Variants in CYP4X1 observed in about 807,000 individuals in gnomAD.
CYP4X1 encodes cytochrome P450 family 4 subfamily X member 1, also known as cytochrome P450 4X1.
Under a neutral mutation model 57.9 loss-of-function variants are expected in CYP4X1, and 44 were observed. The observed-to-expected ratio is 0.76, with a 90% CI of 0.60 to 0.98. The LOEUF is 0.98. Ranked by LOEUF, CYP4X1 falls within the 50% of genes least tolerant of loss-of-function variation. CYP4X1 has a pLI of 0.00. For synonymous variants in CYP4X1, 227 were observed against 228.6 expected, an observed-to-expected ratio of 0.99 and a Z score of 0.06; for missense variants, 532 against 623.9, an observed-to-expected ratio of 0.85 and a Z score of 1.57.
intron 8 of CYP4X1, among the ~76,000 whole-genome samples, chr1:47,042,393 TAATG>T (rs964231086): frequency 5.3e-5 from 8 of 152,098 alleles, no homozygotes; most frequent in Admixed American, 2.6e-4. Flanking sequence ...TGCTTCCAAT[TAATG>T]AACACAGGGT....
chr1:46,979,839 A>C, the CYP4X1 span, among the ~76,000 whole-genome samples: 1 of 152,216 alleles, frequency 6.6e-6, no homozygotes, highest in Non-Finnish European at 1.5e-5. Context: ...AAATCAATAA[A>C]CTTAATCCAT....
the CYP4X1 span, among the ~76,000 whole-genome samples, chr1:46,987,777 A>G: frequency 2.6e-5 from 4 of 152,330 alleles, no homozygotes; most frequent in Non-Finnish European, 5.9e-5. Context: ...ACTGCTCCTG[A>G]ATGACTACTG....
At chr1:46,996,326 CAT>C in the CYP4X1 span, among the ~76,000 whole-genome samples, 1 of 152,192 alleles carries the variant, frequency 6.6e-6, no homozygotes, top group Non-Finnish European at 1.5e-5. Flanking sequence ...TTAGGTTGAG[CAT>C]CCAGGCCAGG....
Position 47,050,293 on chromosome 1 carries a change from G to T in CYP4X1, c.*119G>T. 6 of 1,145,590 alleles carry T rather than the reference G, an allele frequency of 5.2e-6. No individual in the cohort carries two copies. Among genetic ancestry groups the T allele is most frequent in the Non-Finnish European group, 7.5e-6 (6 of 799,460 alleles). 71.0% of individuals were successfully genotyped at this position (1,145,590 alleles called of 1,614,324 possible). A position where few individuals can be genotyped will look rare whatever the true frequency, so the allele number is the denominator to read the frequency against. On this transcript the variant is annotated 3_prime_UTR_variant, in exon 12 of 12. Transcript: ENST00000371901. ...GGAGGATTGGAGGTTGGTGGGATAG[G>T]GGTCTCTGTGAAGAGATCCAAAATC...
the CYP4X1 span, among the ~76,000 whole-genome samples, chr1:46,964,947 C>T: frequency 4.8e-3 from 725 of 152,272 alleles, 8 homozygotes; most frequent in African/African-American, 0.016. Flanking sequence ...GGTGGGCGCT[C>T]CTCCCCTAGC....
chr1:47,009,030 A>G, the CYP4X1 span, among the ~76,000 whole-genome samples: 17 of 152,226 alleles, frequency 1.1e-4, no homozygotes, highest in Non-Finnish European at 1.5e-5. Context: ...GTTAACAAGG[A>G]TATCCAGGAA....
intron 10 of CYP4X1, 22 bp from the exon 11 acceptor site, chr1:47,049,400 T>G (rs748453551): frequency 6.2e-7 from 1 of 1,603,200 alleles, no homozygotes. Flanking sequence ...GGGATGGTGT[T>G]GGGGTTGTCC....
At chr1:47,018,826 T>C (rs958588485), upstream of CYP4X1, among the ~76,000 whole-genome samples, 2 of 152,160 alleles carry the variant, frequency 1.3e-5, no homozygotes, top group Admixed American at 1.3e-4. Context: ...CTTGGAGACT[T>C]GTAGCCAGAA....
At chr1:47,049,925 T>C (rs1172286027) in intron 11 of CYP4X1, 75 bp from the exon 12 acceptor site, 3 of 1,424,628 alleles carry the variant, frequency 2.1e-6, no homozygotes, top group African/African-American at 1.4e-5. Context: ...TTCAGACTTA[T>C]TGTACTAGTA....
chr1:47,028,971 G>C (rs1050530700), intron 1 of CYP4X1, among the ~76,000 whole-genome samples: 5 of 152,200 alleles, frequency 3.3e-5, no homozygotes, highest in African/African-American at 4.8e-5. Flanking sequence ...TAGGTTTCAA[G>C]ACTCTCAACC....
intron 1 of CYP4X1, among the ~76,000 whole-genome samples, chr1:47,026,220 A>G (rs1644062818): frequency 6.6e-6 from 1 of 152,208 alleles, no homozygotes; most frequent in Non-Finnish European, 1.5e-5. Flanking sequence ...ACACTTTTAA[A>G]TAAAGAGTGT....
At chr1:47,028,064 AATTT>A (rs1418155507) in intron 1 of CYP4X1, among the ~76,000 whole-genome samples, 1 of 152,190 alleles carries the variant, frequency 6.6e-6, no homozygotes, top group East Asian at 1.9e-4. Flanking sequence ...GTGCTGAGAA[AATTT>A]ATTTATTCAA....
chr1:46,971,545 T>C, the CYP4X1 span, among the ~76,000 whole-genome samples: 8 of 152,330 alleles, frequency 5.3e-5, no homozygotes, highest in South Asian at 2.1e-4. Flanking sequence ...ACCAGCACCA[T>C]ATAAGCATTG....
chr1:46,996,344 G>A, the CYP4X1 span, among the ~76,000 whole-genome samples: 102 of 152,310 alleles, frequency 6.7e-4, no homozygotes, highest in Non-Finnish European at 1.3e-3. Flanking sequence ...CCAGGTGGCA[G>A]CTCCTAAACA....
the CYP4X1 span, among the ~76,000 whole-genome samples, chr1:46,985,641 C>T: frequency 6.6e-6 from 1 of 152,152 alleles, no homozygotes; most frequent in Non-Finnish European, 1.5e-5. Context: ...GGTGGGTGCC[C>T]CTCTGGGATG....
the CYP4X1 span, among the ~76,000 whole-genome samples, chr1:46,982,740 C>T: frequency 6.6e-6 from 1 of 152,220 alleles, no homozygotes; most frequent in East Asian, 1.9e-4. Context: ...TATATTTCCT[C>T]ACATCTGCAG....
chr1:47,039,012 A>G (rs1281727569), intron 7 of CYP4X1, among the ~76,000 whole-genome samples: 5 of 152,144 alleles, frequency 3.3e-5, no homozygotes, highest in East Asian at 1.9e-4. Flanking sequence ...ATATGGATAC[A>G]TGGATTTTAG....
chr1:47,015,608 C>A, the CYP4X1 span, among the ~76,000 whole-genome samples: 1 of 152,090 alleles, frequency 6.6e-6, no homozygotes, highest in African/African-American at 2.4e-5. Context: ...GATCACTTCC[C>A]AACCTTGATG....
At chr1:46,973,323 G>A in the CYP4X1 span, among the ~76,000 whole-genome samples, 15 of 152,132 alleles carry the variant, frequency 9.9e-5, no homozygotes, top group African/African-American at 3.6e-4. Context: ...GCTGGATTCA[G>A]TTTGCTAATA....
Sources: gnomAD v4.1 joint callset for allele counts (sites outside exome capture counted in the v4.1 genomes callset) on GRCh38, gnomAD v4.1.1 for gene constraint, MANE v1.5 for transcripts, NCBI Gene and HGNC (gene_info 2026-07-23, HGNC 2026-07-21) for gene names.